Variants in TSPOAP1 observed in about 807,000 individuals in gnomAD.
TSPOAP1 encodes peripheral-type benzodiazepine receptor-associated protein 1.
TSPOAP1 carries 87 observed loss-of-function variants against 197.0 expected under a neutral mutation model. The ratio of observed to expected loss-of-function variants is 0.44; its 90% CI spans 0.37 to 0.53. The LOEUF is 0.53. Ranked by LOEUF, TSPOAP1 falls within the 20% of genes least tolerant of loss-of-function variation. TSPOAP1 has a pLI of 0.00. For missense variants in TSPOAP1, 2,174 were observed against 2,411.3 expected, an observed-to-expected ratio of 0.90 and a Z score of 2.06; for synonymous variants, 913 against 998.9, an observed-to-expected ratio of 0.91 and a Z score of 1.62.
In TSPOAP1 at chr17:58,310,038, C is replaced by T. The variant is rs1281655469; in HGVS notation, c.3820G>A (p.Glu1274Lys). The T allele has an allele frequency of 6.2e-7, 1 of 1,613,736 alleles. No homozygotes were observed. Among genetic ancestry groups the T allele is most frequent in the Non-Finnish European group, 8.5e-7 (1 of 1,180,024 alleles). The change falls in exon 21 of 32, where the codon GAG becomes AAG. Residue 1274 changes from glutamate to lysine, a missense_variant. By Grantham distance (56) the Glu-to-Lys change is moderately conservative (BLOSUM62 1). Coordinates refer to ENST00000343736, the MANE Select transcript of TSPOAP1 (RefSeq NM_004758.4). ...EEEEEEEEEE[E>K]LGSRTCSFQK... Reference sequence around the variant, plus strand: ...AAGGAGCAAGTCCTGGAACCCAGCTCCTCTTCCTCCTCCTCCTCCTCCTCT... The same window carrying T: ...AAGGAGCAAGTCCTGGAACCCAGCTTCTCTTCCTCCTCCTCCTCCTCCTCT...
Position 58,309,416 on chromosome 17 carries a change from A to G in TSPOAP1, c.3892-36T>C, listed in dbSNP as rs1971012757. 1 of 1,570,622 alleles carries G rather than the reference A, an allele frequency of 6.4e-7. No homozygotes were observed. The highest frequency in any genetic ancestry group is 1.7e-5 in the Admixed American group (1 of 57,556). The stretch of plus-strand genomic sequence containing the variant: ...TGGGGAGGTGGGAGTAGAACACAGC[A>G]GGGAAGAGAGATGCGTGGGGAAGAG... On this transcript the variant is annotated intron_variant, in intron 21 of 31. Coordinates refer to ENST00000343736, the MANE Select transcript of TSPOAP1 (RefSeq NM_004758.4). The surrounding 1 kb of genome is among the most constrained non-coding windows in gnomAD (Gnocchi z 5.0).
chr17:58,302,108 G>T lies in TSPOAP1; in HGVS notation c.*372C>A. ...GAGTTCATCCTTAAGGAGCCATTTA[G>T]CTCTGACCTTCACCAAGGCTCTTTG... On this transcript the variant is annotated 3_prime_UTR_variant, in exon 32 of 32. Transcript: ENST00000343736. The T allele has an allele frequency of 1.7e-6, 1 of 579,932 alleles. No homozygotes were observed. Among genetic ancestry groups the T allele is most frequent in the African/African-American group, 2.0e-5 (1 of 50,490 alleles). 35.9% of individuals were successfully genotyped at this position (579,932 alleles called of 1,614,324 possible).
chr17:58,316,208 C>G, intron 15 of TSPOAP1, 76 bp from the exon 16 acceptor site: 1 of 1,283,532 alleles, frequency 7.8e-7, no homozygotes, highest in Non-Finnish European at 1.1e-6. Flanking sequence ...CTCTCTCCCA[C>G]TGCACTGAGC....
In TSPOAP1 at chr17:58,326,019, C is replaced by T. The variant is rs1262829221; in HGVS notation, c.570+274G>A. ...TGAGATGAGCTCAGCAGAAGGCTGC[C>T]GCCAGCACCAGCACGTGGTAATCCA... On this transcript the variant is annotated intron_variant, in intron 3 of 31. Transcript: ENST00000343736. This position sits in a 1 kb window ranked among gnomAD's most constrained non-coding sequence, Gnocchi z 4.7. Among the ~76,000 whole-genome samples, 6 of 152,180 alleles carry T rather than the reference C, an allele frequency of 3.9e-5. No individual in the cohort carries two copies. Among genetic ancestry groups the T allele is most frequent in the African/African-American group, 1.4e-4 (6 of 41,444 alleles).
At position 58,319,256 on chromosome 17, in the gene TSPOAP1, T is replaced by A; in HGVS notation, c.1533A>T (p.Gln511His). 6.3e-7 allele frequency: 1 copy of A among 1,597,888 alleles called. No individual in the cohort carries two copies. The change falls in exon 13 of 32, where the codon CAA becomes CAT. Residue 511 changes from glutamine to histidine, a missense_variant. Coordinates refer to ENST00000343736, the MANE Select transcript of TSPOAP1 (RefSeq NM_004758.4). ...VRELEEQCRS[Q>H]TEQFSLLAQE... is the part of the protein sequence containing the mutation. ...GTGCCAGGAGGCTGAACTGCTCGGT[T>A]TGGCTGCGGCACTGTTCTTCGAGCT...
Position 58,304,314 on chromosome 17 carries a change from A to G in TSPOAP1, c.*32+24T>C. The G allele has an allele frequency of 6.2e-7, 1 of 1,604,524 alleles. No homozygotes were observed. Among genetic ancestry groups the G allele is most frequent in the Non-Finnish European group, 8.5e-7 (1 of 1,171,704 alleles). Reference sequence around the variant, plus strand: ...TGGTCAAGTGGGGGTGGACGGTCACACAGGGGGGCAGTCCCCCACTTACAT... The same window carrying G: ...TGGTCAAGTGGGGGTGGACGGTCACGCAGGGGGGCAGTCCCCCACTTACAT... On this transcript the variant is annotated intron_variant, in intron 31 of 31. Coordinates refer to ENST00000343736, the MANE Select transcript of TSPOAP1 (RefSeq NM_004758.4). The surrounding 1 kb of genome is among the most constrained non-coding windows in gnomAD (Gnocchi z 4.2).
chr17:58,327,099 C>T (rs541775278), intron 1 of TSPOAP1, among the ~76,000 whole-genome samples: 22 of 152,284 alleles, frequency 1.4e-4, no homozygotes, highest in African/African-American at 5.3e-4. Context: ...CCAGACTCCC[C>T]TGCCCTCCCC....
At position 58,309,922 on chromosome 17, in the gene TSPOAP1, G is replaced by A. The variant is rs373363962; in HGVS notation, c.3891+45C>T. 63 of 1,565,176 alleles carry A rather than the reference G, an allele frequency of 4.0e-5. No homozygotes were observed. The highest frequency in any genetic ancestry group is 2.2e-4 in the Middle Eastern group (1 of 4,520). ...TGCTGACACACAGTGGGGAGGCCCC[G>A]GAGTTTGAGGCCTGGGGCCCAACAG... On this transcript the variant is annotated intron_variant, in intron 21 of 31. Transcript: ENST00000343736. The surrounding 1 kb of genome is among the most constrained non-coding windows in gnomAD (Gnocchi z 5.0).
Position 58,310,208 on chromosome 17 carries a change from AG to A in TSPOAP1, c.3700-51del, listed in dbSNP as rs535854377. ...AGAGATAAGGACAGTGAGGGGGCAC[AG>A]GGGGTTCCAGGCAGGGTCAGCCCCA... On this transcript the variant is annotated intron_variant, in intron 20 of 31. Coordinates refer to ENST00000343736, the MANE Select transcript of TSPOAP1 (RefSeq NM_004758.4). 348 of 1,557,724 alleles carry A rather than the reference AG, an allele frequency of 2.2e-4. 1 individual carries two copies. The East Asian group carries it at 7.4e-3, about 33-fold the overall frequency.
chr17:58,326,513 C>T lies in TSPOAP1; in HGVS notation c.442-92G>A. ...AAGTCTTGGGCTAGAGCCCTAGGCT[C>T]ACAGTGGGGTCCTTGGCAACTCTAG... is the stretch of plus-strand genomic sequence containing the variant. On this transcript the variant is annotated intron_variant, in intron 2 of 31. Coordinates refer to ENST00000343736, the MANE Select transcript of TSPOAP1 (RefSeq NM_004758.4). This position sits in a 1 kb window ranked among gnomAD's most constrained non-coding sequence, Gnocchi z 4.7. 6.4e-7 allele frequency: 1 copy of T among 1,569,950 alleles called. No individual in the cohort carries two copies. Among genetic ancestry groups the T allele is most frequent in the Non-Finnish European group, 8.6e-7 (1 of 1,156,788 alleles).
At position 58,305,189 on chromosome 17, in the gene TSPOAP1, G is replaced by T; in HGVS notation, c.5434-18C>A. 1 of 1,582,974 alleles carries T rather than the reference G, an allele frequency of 6.3e-7. No homozygotes were observed. Among genetic ancestry groups the T allele is most frequent in the Non-Finnish European group, 8.7e-7 (1 of 1,151,744 alleles). ...AATTCCCCCTGGAGAGAAGAGGCCGGTGAGACTGAGATCAGGAAAGAGGCT... is the reference window on the plus strand; with the variant it reads ...AATTCCCCCTGGAGAGAAGAGGCCGTTGAGACTGAGATCAGGAAAGAGGCT... On this transcript the variant is annotated intron_variant, in intron 29 of 31. Coordinates refer to ENST00000343736, the MANE Select transcript of TSPOAP1 (RefSeq NM_004758.4).
chr17:58,315,966 G>T, intron 16 of TSPOAP1, 57 bp downstream of exon 16: 1 of 1,320,010 alleles, frequency 7.6e-7, no homozygotes, highest in Non-Finnish European at 1.1e-6. Context: ...TCCGTCTTTG[G>T]GAACATGGGC....
In TSPOAP1 at chr17:58,309,907, C is replaced by T; in HGVS notation, c.3891+60G>A. 6.4e-7 allele frequency: 1 copy of T among 1,552,420 alleles called. No individual in the cohort carries two copies. Among genetic ancestry groups the T allele is most frequent in the Non-Finnish European group, 8.7e-7 (1 of 1,148,322 alleles). ...GGTGGTCAGAGCACCTGCTGACACA[C>T]AGTGGGGAGGCCCCGGAGTTTGAGG... On this transcript the variant is annotated intron_variant, in intron 21 of 31. Transcript: ENST00000343736. This position sits in a 1 kb window ranked among gnomAD's most constrained non-coding sequence, Gnocchi z 5.0.
rs765140985 is a variant in TSPOAP1 at position 58,326,717 on chromosome 17, C to A, written c.407G>T (p.Arg136Leu). The change falls in exon 2 of 32, where the codon CGC (arginine) becomes CTC (leucine). Residue 136 changes from arginine to leucine, a missense_variant. Coordinates refer to ENST00000343736, the MANE Select transcript of TSPOAP1 (RefSeq NM_004758.4). This position sits in a 1 kb window ranked among gnomAD's most constrained non-coding sequence, Gnocchi z 4.7. The part of the protein sequence containing the change: ...LLRALGELRQ[R>L]CAILKEENQM... ...GTTTTCCTCCTTAAGGATGGCACAG[C>A]GCTGCCGCAGCTCCCCCAGGGCCCT... The A allele has an allele frequency of 6.2e-7, 1 of 1,614,004 alleles. No homozygotes were observed. Among genetic ancestry groups the A allele is most frequent in the South Asian group, 1.1e-5 (1 of 91,092 alleles).
chr17:58,320,466 T>C lies in TSPOAP1; in HGVS notation c.1473+65A>G, dbSNP rs1419287484. On this transcript the variant is annotated intron_variant, in intron 11 of 31. Transcript: ENST00000343736. ...CCACCGCCATAGTCCATTTCAGCTC[T>C]ATCTGGAGGACCCCCGCCTTCCTCC... 41 of 1,446,420 alleles carry C rather than the reference T, an allele frequency of 2.8e-5. 1 individual carries two copies. The South Asian group carries it at 5.6e-4, about 20-fold the overall frequency. The allele number at this position is 1,446,420 out of a possible 1,614,324, so 89.6% of individuals were successfully genotyped here.
chr17:58,308,999 G>C lies in TSPOAP1; in HGVS notation c.4273C>G (p.Arg1425Gly). ...PPSRRRPPDP[R>G]EHCSRLLSNN... The stretch of plus-strand genomic sequence containing the variant: ...CTGAGAAGTCGGCTGCAGTGTTCTC[G>C]GGGATCTGGAGGCCGCCTGCGGCTT... Residue 1425 changes from arginine to glycine, a missense_variant, in exon 22 of 32, where the codon CGA (arginine) becomes GGA (glycine). Arg to Gly is a moderately radical substitution (Grantham distance 125). Transcript: ENST00000343736. The C allele has an allele frequency of 6.2e-7, 1 of 1,612,530 alleles. No homozygotes were observed. Among genetic ancestry groups the C allele is most frequent in the Middle Eastern group, 1.7e-4 (1 of 6,052 alleles).
At position 58,304,833 on chromosome 17, in the gene TSPOAP1, G is replaced by A. The variant is rs1970829079; in HGVS notation, c.5544+228C>T. The A allele has an allele frequency of 3.1e-6, 2 of 646,234 alleles. No individual in the cohort carries two copies. Among genetic ancestry groups the A allele is most frequent in the Non-Finnish European group, 5.7e-6 (2 of 350,898 alleles). The allele number at this position is 646,234 out of a possible 1,614,324, so 40.0% of individuals were successfully genotyped here. A position where few individuals can be genotyped will look rare whatever the true frequency, so the allele number is the denominator to read the frequency against. On this transcript the variant is annotated intron_variant, in intron 30 of 31. Coordinates refer to ENST00000343736, the MANE Select transcript of TSPOAP1 (RefSeq NM_004758.4). This position sits in a 1 kb window ranked among gnomAD's most constrained non-coding sequence, Gnocchi z 4.2. Reference sequence around the variant, plus strand: ...GTGTTGGCAGCTGGCGAGATGGCCTGAGGGTCAGGGTCACAGCTATCATCC... The same window carrying A: ...GTGTTGGCAGCTGGCGAGATGGCCTAAGGGTCAGGGTCACAGCTATCATCC...
rs754846268 is a variant in TSPOAP1, at chr17:58,327,968, C to G, written c.-48G>C. On this transcript the variant is annotated 5_prime_UTR_variant, in exon 1 of 32. Transcript: ENST00000343736. ...ACCCGGGCCGGGGGACATCACCCAG[C>G]CAGGTGGGGGGACTGGCGAGGGTCA... 6.7e-7 allele frequency: 1 copy of G among 1,491,512 alleles called. No homozygotes were observed. The highest frequency in any genetic ancestry group is 9.0e-7 in the Non-Finnish European group (1 of 1,108,618). The allele number at this position is 1,491,512 out of a possible 1,614,324, so 92.4% of individuals were successfully genotyped here. A position where few individuals can be genotyped will look rare whatever the true frequency, so the allele number is the denominator to read the frequency against.
chr17:58,322,802 T>G lies in TSPOAP1; in HGVS notation c.1195-26A>C, dbSNP rs1971442617. The G allele has an allele frequency of 6.2e-7, 1 of 1,611,350 alleles. No homozygotes were observed. Among genetic ancestry groups the G allele is most frequent in the South Asian group, 1.1e-5 (1 of 90,986 alleles). The stretch of plus-strand genomic sequence containing the variant: ...CTGGCGAGGGGGCAGTGACAGGGAG[T>G]TGGGTGGGTGAGCCTTGACCCACCA... On this transcript the variant is annotated intron_variant, in intron 8 of 31. Transcript: ENST00000343736. This position sits in a 1 kb window ranked among gnomAD's most constrained non-coding sequence, Gnocchi z 5.0.
Sources: gnomAD v4.1 joint callset for allele counts (sites outside exome capture counted in the v4.1 genomes callset) on GRCh38, gnomAD v4.1.1 for gene constraint, Gnocchi (gnomAD v3.1) non-coding constraint, MANE v1.5 for transcripts, NCBI Gene and HGNC (gene_info 2026-07-23, HGNC 2026-07-21) for gene names.